CORO2B: variants seen among roughly 807,000 people sequenced by gnomAD.
CORO2B encodes coronin 2B, also known as coronin-2B.
CORO2B carries 26 observed loss-of-function variants against 58.8 expected under a neutral mutation model. That is an observed-to-expected ratio of 0.44 (90% CI 0.32 to 0.61). The LOEUF (loss-of-function observed/expected upper bound fraction) is 0.61. CORO2B is among the 20% of genes least tolerant of loss of function. The pLI is 0.04. For missense variants in CORO2B, 460 were observed against 645.1 expected (o/e 0.71, Z 3.11); for synonymous variants, 242 against 253.8 (o/e 0.95, Z 0.44).
chr15:68,629,273 T>C (rs1900762664), intron 1 of CORO2B, among the ~76,000 whole-genome samples: 1 of 152,240 alleles, frequency 6.6e-6, no homozygotes, highest in South Asian at 2.1e-4. Context: ...GCAGGTCTGC[T>C]GTGTGTGGTT....
At chr15:68,593,204 T>C (rs769176049) in intron 1 of CORO2B, among the ~76,000 whole-genome samples, 1 of 152,234 alleles carries the variant, frequency 6.6e-6, no homozygotes, top group Non-Finnish European at 1.5e-5. Context: ...TTAATACTGT[T>C]ACATTGGCAA....
chr15:68,682,530 CATT>C (rs1902825280), intron 2 of CORO2B, among the ~76,000 whole-genome samples: 1 of 152,162 alleles, frequency 6.6e-6, no homozygotes, highest in South Asian at 2.1e-4. Context: ...CGCAGATTGA[CATT>C]CTCTGATCGA....
chr15:68,635,978 TGAG>T (rs1229294602), intron 1 of CORO2B, among the ~76,000 whole-genome samples: 1 of 152,146 alleles, frequency 6.6e-6, no homozygotes, highest in African/African-American at 2.4e-5. Context: ...CCAGGATAAT[TGAG>T]GAGCAGACAA....
rs112387327 is a variant in CORO2B at position 68,672,247 on chromosome 15, A to T, written c.217-22893A>T. ...ATGCATAATTTTCTGGTTTTTAAAA[A>T]TTTTTTGAGACAGAATCTCACTCTG... On this transcript the variant is annotated intron_variant, in intron 2 of 11. Transcript: ENST00000261861. Among the ~76,000 whole-genome samples, 1,225 of 149,986 alleles carry T rather than the reference A, an allele frequency of 8.2e-3. 18 individuals are homozygous for T. The highest frequency in any genetic ancestry group is 0.029 in the African/African-American group (1,177 of 40,812).
chr15:68,693,922 G>A (rs573047930), intron 2 of CORO2B, among the ~76,000 whole-genome samples: 2 of 152,256 alleles, frequency 1.3e-5, no homozygotes, highest in Admixed American at 6.5e-5. Context: ...CGCAACCTCC[G>A]CCTCCTGGGT....
intron 1 of CORO2B, among the ~76,000 whole-genome samples, chr15:68,612,222 A>G (rs1474480400): frequency 6.6e-6 from 1 of 152,260 alleles, no homozygotes; most frequent in African/African-American, 2.4e-5. Context: ...ACACATTGAA[A>G]GGGTCTAAAA....
chr15:68,635,186 G>A (rs1359080455), intron 1 of CORO2B, among the ~76,000 whole-genome samples: 1 of 152,122 alleles, frequency 6.6e-6, no homozygotes, highest in African/African-American at 2.4e-5. Flanking sequence ...CTCCCCACTG[G>A]TCTTGAACCA....
intron 1 of CORO2B, among the ~76,000 whole-genome samples, chr15:68,627,681 A>C (rs73442228): frequency 8.5e-5 from 13 of 152,064 alleles, no homozygotes; most frequent in Admixed American, 8.5e-4. Flanking sequence ...GTAAGCAGGA[A>C]ATGGCTTCTG....
rs184730991 is a variant in CORO2B at position 68,727,373 on chromosome 15, T to C, written c.*1399T>C. The stretch of plus-strand genomic sequence containing the variant: ...CTTTTATTCCTTCTTTTTTCCTCCT[T>C]TCATTTCCCACTACGCACAAAGAGT... On this transcript the variant is annotated 3_prime_UTR_variant, in exon 12 of 12. Transcript: ENST00000261861. 1 of 152,550 alleles carries C rather than the reference T, an allele frequency of 6.6e-6. No homozygotes were observed. The highest frequency in any genetic ancestry group is 2.4e-5 in the African/African-American group (1 of 41,546). 9.4% of individuals were successfully genotyped at this position (152,550 alleles called of 1,614,324 possible). A position where few individuals can be genotyped will look rare whatever the true frequency, so the allele number is the denominator to read the frequency against.
the CORO2B span, among the ~76,000 whole-genome samples, chr15:68,547,932 AG>A: frequency 1.3e-5 from 2 of 152,006 alleles, no homozygotes; most frequent in African/African-American, 2.4e-5. Flanking sequence ...GCACTTTGGG[AG>A]GTTGAGGCGG....
At chr15:68,650,290 G>C (rs1180343413) in intron 2 of CORO2B, among the ~76,000 whole-genome samples, 3 of 144,868 alleles carry the variant, frequency 2.1e-5, no homozygotes, top group Non-Finnish European at 3.0e-5. Flanking sequence ...ATTGGAGGCG[G>C]AGGTTGCGGT....
intron 4 of CORO2B, 135 bp from the exon 5 acceptor site, chr15:68,711,407 C>T: frequency 1.5e-6 from 1 of 656,250 alleles, no homozygotes; most frequent in Non-Finnish European, 2.6e-6. Context: ...AACTCAATGA[C>T]CCCCTCCTGC....
intron 2 of CORO2B, among the ~76,000 whole-genome samples, chr15:68,674,343 C>G (rs1396324307): frequency 6.6e-6 from 1 of 152,162 alleles, no homozygotes; most frequent in African/African-American, 2.4e-5. Context: ...ACACATGTGC[C>G]CGGAAGACAG....
intron 1 of CORO2B, among the ~76,000 whole-genome samples, chr15:68,644,570 G>T (rs1901360875): frequency 6.6e-6 from 1 of 152,152 alleles, no homozygotes; most frequent in African/African-American, 2.4e-5. Context: ...ACCTCTCTGT[G>T]CCTGATGATA....
At chr15:68,657,517 CAAAAAAAAAA>C (rs373642309) in intron 2 of CORO2B, among the ~76,000 whole-genome samples, 2 of 87,076 alleles carry the variant, frequency 2.3e-5, no homozygotes. Flanking sequence ...GATCCTGTCT[CAAAAAAAAAA>C]AAAAAAAAAG....
chr15:68,655,988 A>T (rs1901790218), intron 2 of CORO2B, among the ~76,000 whole-genome samples: 1 of 152,210 alleles, frequency 6.6e-6, no homozygotes. Context: ...TGGGGCCCAG[A>T]GGCCTTGGCC....
At position 68,710,703 on chromosome 15, in the gene CORO2B, C is replaced by T; in HGVS notation, c.334-29C>T. 1 of 1,552,154 alleles carries T rather than the reference C, an allele frequency of 6.4e-7. No individual in the cohort carries two copies. The stretch of plus-strand genomic sequence containing the variant: ...CAAGGGACTTCTTGGCCGTGTCCAC[C>T]CAGCCTGGACCCTCATCTCCCTCTG... On this transcript the variant is annotated intron_variant, in intron 3 of 11. Transcript: ENST00000261861. This position sits in a 1 kb window ranked among gnomAD's most constrained non-coding sequence, Gnocchi z 4.1.
intron 1 of CORO2B, among the ~76,000 whole-genome samples, chr15:68,621,501 G>A (rs1336403151): frequency 6.6e-6 from 1 of 152,176 alleles, no homozygotes; most frequent in East Asian, 1.9e-4. Flanking sequence ...ACCTGCCCAG[G>A]GTTCCACACT....
chr15:68,547,742 G>A, the CORO2B span, among the ~76,000 whole-genome samples: 1 of 152,082 alleles, frequency 6.6e-6, no homozygotes, highest in South Asian at 2.1e-4. Flanking sequence ...GACAAATTTG[G>A]TATTTATCTT....
Sources: allele counts gnomAD v4.1 joint callset (sites outside exome capture counted in the v4.1 genomes callset), GRCh38; gene constraint gnomAD v4.1.1; non-coding constraint Gnocchi (gnomAD v3.1); transcripts MANE v1.5; gene names NCBI Gene and HGNC (gene_info 2026-07-23, HGNC 2026-07-21).